Variants in ADARB2 observed in about 807,000 individuals in gnomAD.
ADARB2 encodes the protein inactive double-stranded RNA-specific editase B2.
A neutral mutation model predicts 62.2 loss-of-function variants in ADARB2; 25 were observed. That is an observed-to-expected ratio of 0.40 (90% CI 0.29 to 0.56). ADARB2 has a LOEUF of 0.56. ADARB2 is among the 20% of genes least tolerant of loss of function. The probability of loss-of-function intolerance (pLI) is 0.43; values close to 1 mark genes in which losing one functional copy is unlikely to be tolerated. For synonymous variants in ADARB2, 572 were observed against 500.8 expected (o/e 1.14, Z -1.90); for missense variants, 1,071 against 1,077.4 (o/e 0.99, Z 0.08).
chr10:1,506,308 C>A (rs183991111), intron 1 of ADARB2, among the ~76,000 whole-genome samples: 1 of 152,180 alleles, frequency 6.6e-6, no homozygotes, highest in Non-Finnish European at 1.5e-5. Context: ...AAATTCTGCC[C>A]ATAATATTTA....
chr10:1,399,983 T>A (rs994420603), intron 1 of ADARB2, among the ~76,000 whole-genome samples: 1 of 152,212 alleles, frequency 6.6e-6, no homozygotes, highest in Admixed American at 6.5e-5. Flanking sequence ...ACACTTTCCA[T>A]TTCTGTCTCT....
chr10:1,698,336 C>T (rs748964153), intron 1 of ADARB2, among the ~76,000 whole-genome samples: 15 of 152,216 alleles, frequency 9.9e-5, no homozygotes, highest in Non-Finnish European at 1.6e-4. Flanking sequence ...TTGGAGGCCA[C>T]TCTGACCTTT....
chr10:1,230,463 C>T (rs1830794054), intron 6 of ADARB2, among the ~76,000 whole-genome samples: 1 of 152,194 alleles, frequency 6.6e-6, no homozygotes, highest in African/African-American at 2.4e-5. Flanking sequence ...CACTGGCATC[C>T]CCTTATCCAT....
rs1589142464 is a variant in ADARB2, at chr10:1,177,425, A to G, written c.*5768T>C. 6.6e-6 allele frequency: 1 copy of G among 151,748 alleles called. No individual in the cohort carries two copies. Among genetic ancestry groups the G allele is most frequent in the South Asian group, 2.1e-4 (1 of 4,830 alleles). 9.4% of individuals were successfully genotyped at this position (151,748 alleles called of 1,614,324 possible). ...AAATTAACATGTAAATTCATATTTT[A>G]AGGTTTTGGATTTTTTTTTACAAAT... On this transcript the variant is annotated 3_prime_UTR_variant, in exon 10 of 10. Transcript: ENST00000381312.
intron 1 of ADARB2, among the ~76,000 whole-genome samples, chr10:1,404,735 G>A (rs1204039942): frequency 6.6e-6 from 1 of 152,228 alleles, no homozygotes; most frequent in East Asian, 1.9e-4. Context: ...CCGGCCAACA[G>A]TGACATTCGT....
chr10:1,407,727 G>A lies in ADARB2; in HGVS notation c.101-28567C>T, dbSNP rs575129437. Among the ~76,000 whole-genome samples, 6 of 152,300 alleles carry A rather than the reference G, an allele frequency of 3.9e-5. No individual in the cohort carries two copies. The South Asian group carries it at 1.2e-3, about 32-fold the overall frequency. On this transcript the variant is annotated intron_variant, in intron 1 of 9. Coordinates refer to ENST00000381312, the MANE Select transcript of ADARB2 (RefSeq NM_018702.4). ...ACGGTGTTCTGAGAGAGCTCAACCT[G>A]CTTCCCAAGGTGGTGCCCTCCCCCA...
At position 1,420,325 on chromosome 10, in the gene ADARB2, C is replaced by T. The variant is rs559826579; in HGVS notation, c.101-41165G>A. Among the ~76,000 whole-genome samples the T allele has an allele frequency of 3.9e-5, 6 of 152,284 alleles. No homozygotes were observed. The East Asian group carries it at 9.7e-4, about 25-fold the overall frequency. ...TACGTGTAAGGCTGACAAAGAGTAG[C>T]ACAGACAGATATGTGGTGGGGGATT... is the stretch of plus-strand genomic sequence containing the variant. On this transcript the variant is annotated intron_variant, in intron 1 of 9. Coordinates refer to ENST00000381312, the MANE Select transcript of ADARB2 (RefSeq NM_018702.4).
chr10:1,265,995 G>T (rs1831194639), intron 4 of ADARB2, among the ~76,000 whole-genome samples: 1 of 130,048 alleles, frequency 7.7e-6, no homozygotes, highest in African/African-American at 3.0e-5. Flanking sequence ...TCAGGTCCAC[G>T]CTCCCCCGGA....
chr10:1,724,659 C>A (rs1835140808), intron 1 of ADARB2, among the ~76,000 whole-genome samples: 1 of 152,210 alleles, frequency 6.6e-6, no homozygotes, highest in African/African-American at 2.4e-5. Flanking sequence ...CCTGGAAGAG[C>A]TTCAGGTCCC....
At chr10:1,621,650 C>T (rs925121924) in intron 1 of ADARB2, among the ~76,000 whole-genome samples, 1 of 152,136 alleles carries the variant, frequency 6.6e-6, no homozygotes, top group Non-Finnish European at 1.5e-5. Flanking sequence ...ACAACAACAA[C>T]AGTGAAATGC....
intron 3 of ADARB2, among the ~76,000 whole-genome samples, chr10:1,311,022 C>G (rs1831685212): frequency 6.6e-6 from 1 of 152,230 alleles, no homozygotes; most frequent in Non-Finnish European, 1.5e-5. Flanking sequence ...CTAGATCTGG[C>G]TATAGGCAAA....
intron 1 of ADARB2, among the ~76,000 whole-genome samples, chr10:1,570,261 G>A (rs1422517707): frequency 6.6e-6 from 1 of 152,228 alleles, no homozygotes; most frequent in Non-Finnish European, 1.5e-5. Flanking sequence ...TATACACTAG[G>A]ATTTAGCTCG....
intron 1 of ADARB2, among the ~76,000 whole-genome samples, chr10:1,423,144 T>C (rs902697756): frequency 7.9e-5 from 12 of 152,176 alleles, no homozygotes; most frequent in Admixed American, 6.5e-4. Flanking sequence ...GCCATGGCCA[T>C]TGGGTTCCAG....
intron 1 of ADARB2, among the ~76,000 whole-genome samples, chr10:1,665,778 C>G (rs1253085556): frequency 6.6e-6 from 1 of 152,236 alleles, no homozygotes; most frequent in African/African-American, 2.4e-5. Flanking sequence ...TGACACTTCC[C>G]TGGGGGCCTT....
intron 3 of ADARB2, among the ~76,000 whole-genome samples, chr10:1,356,677 C>G (rs1832199172): frequency 6.6e-6 from 1 of 152,132 alleles, no homozygotes; most frequent in Admixed American, 6.5e-5. Context: ...ATCTTAAAGC[C>G]CATTCTTTGG....
At chr10:1,641,568 T>C (rs1588335032) in intron 1 of ADARB2, among the ~76,000 whole-genome samples, 1 of 152,346 alleles carries the variant, frequency 6.6e-6, no homozygotes, top group South Asian at 2.1e-4. Flanking sequence ...TTTAAGGTCT[T>C]AGGGAGCACC....
chr10:1,358,308 G>C (rs1806529), intron 3 of ADARB2, among the ~76,000 whole-genome samples: 30 of 152,208 alleles, frequency 2.0e-4, no homozygotes, highest in Non-Finnish European at 3.8e-4. Flanking sequence ...TTATGATGTC[G>C]GATAGGAGAG....
At chr10:1,501,640 C>T (rs931715389) in intron 1 of ADARB2, among the ~76,000 whole-genome samples, 5 of 152,140 alleles carry the variant, frequency 3.3e-5, no homozygotes, top group South Asian at 2.1e-4. Context: ...CACAGAGGGG[C>T]CCAATCAAAA....
In ADARB2 at chr10:1,187,764, AG is replaced by A. The variant is rs1255573002; in HGVS notation, c.1865-2726del. ...CACTGCTCCACACTCCGGGGACAGA[AG>A]GAAGGAGCTGGTGGGGCAGCGAGGG... is the stretch of plus-strand genomic sequence containing the variant. On this transcript the variant is annotated intron_variant, in intron 8 of 9. Transcript: ENST00000381312. The A allele has an allele frequency of 1.5e-4, 51 of 347,172 alleles. No individual in the cohort carries two copies. The East Asian group carries it at 4.1e-3, about 28-fold the overall frequency. 21.5% of individuals were successfully genotyped at this position (347,172 alleles called of 1,614,324 possible). A position where few individuals can be genotyped will look rare whatever the true frequency, so the allele number is the denominator to read the frequency against.
Sources: allele counts gnomAD v4.1 joint callset (sites outside exome capture counted in the v4.1 genomes callset), GRCh38; gene constraint gnomAD v4.1.1; transcripts MANE v1.5; gene names NCBI Gene and HGNC (gene_info 2026-07-23, HGNC 2026-07-21).